The following LRRC4C variants were observed in gnomAD, a reference collection of about 807,000 sequenced individuals.
LRRC4C encodes leucine rich repeat containing 4C.
LRRC4C carries 5 observed loss-of-function variants against 33.6 expected under a neutral mutation model. That is an observed-to-expected ratio of 0.15 (90% confidence interval 0.08 to 0.31). LRRC4C has a LOEUF of 0.31. LRRC4C is among the 10% of genes least tolerant of loss of function. The pLI, the probability that LRRC4C is intolerant of heterozygous loss-of-function variation, is 1.00. For missense variants in LRRC4C, 560 were observed against 796.7 expected (o/e 0.70, Z 3.58); for synonymous variants, 329 against 302.0 (o/e 1.09, Z -0.93).
chr11:40,461,499 T>C (rs1448684296), intron 3 of LRRC4C, among the ~76,000 whole-genome samples: 1 of 152,010 alleles, frequency 6.6e-6, no homozygotes, highest in South Asian at 2.1e-4. Context: ...TTAATGCAAC[T>C]AAAGTGTTCT....
intron 3 of LRRC4C, among the ~76,000 whole-genome samples, chr11:40,590,985 T>C (rs956264505): frequency 1.1e-3 from 172 of 152,296 alleles, no homozygotes; most frequent in African/African-American, 4.0e-3. Flanking sequence ...GCAGGCCTCC[T>C]TGAGCTGTGG....
chr11:40,143,134 G>A (rs1178251515), intron 5 of LRRC4C, among the ~76,000 whole-genome samples: 2 of 152,018 alleles, frequency 1.3e-5, no homozygotes, highest in Non-Finnish European at 2.9e-5. Context: ...CCATGCATTG[G>A]AAATTCTGTG....
At chr11:41,249,563 T>A (rs1948572577) in intron 1 of LRRC4C, among the ~76,000 whole-genome samples, 1 of 152,136 alleles carries the variant, frequency 6.6e-6, no homozygotes, top group African/African-American at 2.4e-5. Flanking sequence ...TGCCTTTGCT[T>A]CCAGTACCTC....
intron 2 of LRRC4C, among the ~76,000 whole-genome samples, chr11:40,791,636 T>C (rs552315545): frequency 1.3e-5 from 2 of 152,176 alleles, no homozygotes; most frequent in Non-Finnish European, 2.9e-5. Flanking sequence ...AATTTGCCTT[T>C]TGTATATGAA....
At chr11:40,246,568 C>T (rs1590810159) in intron 4 of LRRC4C, among the ~76,000 whole-genome samples, 1 of 152,092 alleles carries the variant, frequency 6.6e-6, no homozygotes, top group Non-Finnish European at 1.5e-5. Context: ...TGAACAGAAG[C>T]ATGTGGTCTC....
At chr11:40,751,610 A>C (rs1948694858) in intron 2 of LRRC4C, among the ~76,000 whole-genome samples, 1 of 152,112 alleles carries the variant, frequency 6.6e-6, no homozygotes, top group Non-Finnish European at 1.5e-5. Flanking sequence ...TAGAGGTAAA[A>C]AAAATAAAAA....
intron 2 of LRRC4C, among the ~76,000 whole-genome samples, chr11:40,843,849 ATTTG>A (rs1470040003): frequency 6.6e-6 from 1 of 152,168 alleles, no homozygotes; most frequent in Non-Finnish European, 1.5e-5. Flanking sequence ...TCAAAATATT[ATTTG>A]TTTATCTCTC....
At chr11:40,741,603 A>G (rs1451451482) in intron 2 of LRRC4C, among the ~76,000 whole-genome samples, 1 of 152,102 alleles carries the variant, frequency 6.6e-6, no homozygotes, top group Non-Finnish European at 1.5e-5. Context: ...TTCTTACAGC[A>G]CTACTCATTG....
At chr11:40,607,917 A>G (rs1289033368) in intron 3 of LRRC4C, among the ~76,000 whole-genome samples, 2 of 151,990 alleles carry the variant, frequency 1.3e-5, no homozygotes, top group Non-Finnish European at 2.9e-5. Flanking sequence ...GTCTGCCTAC[A>G]TGCTCCCTCT....
chr11:40,126,178 C>A (rs72885385), intron 6 of LRRC4C, among the ~76,000 whole-genome samples: 4,267 of 139,788 alleles, frequency 0.031, 85 homozygotes, highest in Middle Eastern at 0.041. Flanking sequence ...AAAAAAAAAA[C>A]CCACCTGACT....
intron 1 of LRRC4C, among the ~76,000 whole-genome samples, chr11:41,130,356 CTTCT>C: frequency 6.6e-6 from 1 of 151,828 alleles, no homozygotes; most frequent in Non-Finnish European, 1.5e-5. Flanking sequence ...CTTCACTATT[CTTCT>C]TTCTTCTAGT....
intron 3 of LRRC4C, among the ~76,000 whole-genome samples, chr11:40,626,303 C>G (rs549311442): frequency 2.0e-5 from 3 of 152,208 alleles, no homozygotes; most frequent in African/African-American, 4.8e-5. Flanking sequence ...GCCATACTAG[C>G]TAAAATTCAA....
At chr11:40,491,094 T>A (rs1371813286) in intron 3 of LRRC4C, among the ~76,000 whole-genome samples, 2 of 151,952 alleles carry the variant, frequency 1.3e-5, no homozygotes, top group Admixed American at 6.6e-5. Context: ...ACCAGCCTGA[T>A]CAACATAGTA....
intron 2 of LRRC4C, among the ~76,000 whole-genome samples, chr11:40,895,335 A>T (rs983546080): frequency 1.6e-5 from 1 of 63,434 alleles, no homozygotes; most frequent in Admixed American, 1.5e-4. Context: ...ATGTTAAAAA[A>T]TCCCCCTCAC....
intron 5 of LRRC4C, among the ~76,000 whole-genome samples, chr11:40,154,954 C>T (rs1858559755): frequency 6.6e-6 from 1 of 152,132 alleles, no homozygotes; most frequent in Non-Finnish European, 1.5e-5. Flanking sequence ...TATGATAGGC[C>T]ATAAAATGAG....
Position 41,214,813 on chromosome 11 carries a change from G to GTA in LRRC4C, c.-496+244616_-496+244617dup, listed in dbSNP as rs898287572. Among the ~76,000 whole-genome samples the GTA allele has an allele frequency of 7.6e-5, 11 of 144,782 alleles. No individual in the cohort carries two copies. The East Asian group carries it at 1.8e-3, about 24-fold the overall frequency. The allele number at this position is 144,782 out of a possible 152,430, so 95.0% of individuals were successfully genotyped here. A position where few individuals can be genotyped will look rare whatever the true frequency, so the allele number is the denominator to read the frequency against. On this transcript the variant is annotated intron_variant, in intron 1 of 6. Transcript: ENST00000528697. ...TATGTGTGTATATATATGTGTGTGT[G>GTA]TATATATATATTATATATATGTATA...
chr11:40,399,894 T>C (rs1949696462), intron 3 of LRRC4C, among the ~76,000 whole-genome samples: 1 of 152,038 alleles, frequency 6.6e-6, no homozygotes, highest in African/African-American at 2.4e-5. Flanking sequence ...AAGACATATT[T>C]AATCACTTCA....
At chr11:40,586,283 C>T (rs377528111) in intron 3 of LRRC4C, among the ~76,000 whole-genome samples, 5,293 of 148,950 alleles carry the variant, frequency 0.036, 376 homozygotes, top group African/African-American at 0.13. Context: ...TTTTGAGAAG[C>T]GTCTGTTCAT....
intron 5 of LRRC4C, among the ~76,000 whole-genome samples, chr11:40,224,439 G>A (rs988013391): frequency 3.3e-5 from 5 of 152,150 alleles, no homozygotes; most frequent in African/African-American, 4.8e-5. Flanking sequence ...CTTTCAAGAC[G>A]TGTGGTGCCC....
Sources: gnomAD v4.1 joint callset for allele counts (sites outside exome capture counted in the v4.1 genomes callset) on GRCh38, gnomAD v4.1.1 for gene constraint, MANE v1.5 for transcripts, NCBI Gene and HGNC (gene_info 2026-07-23, HGNC 2026-07-21) for gene names.